LSAMP: variants seen among roughly 807,000 people sequenced by gnomAD.
The protein encoded by LSAMP is limbic system-associated membrane protein.
A neutral mutation model predicts 38.6 loss-of-function variants in LSAMP; 7 were observed. The ratio of observed to expected loss-of-function variants is 0.18; its 90% CI spans 0.10 to 0.34. LSAMP has a LOEUF of 0.34. Among genes scored for constraint, LSAMP ranks in the 10% least tolerant of loss-of-function variants. The pLI is 1.00. For missense variants in LSAMP, 313 were observed against 420.0 expected (o/e 0.75, Z 2.23); for synonymous variants, 154 against 166.8 (o/e 0.92, Z 0.59).
chr3:116,066,060 A>C (rs1445840144), intron 2 of LSAMP, among the ~76,000 whole-genome samples: 1 of 152,200 alleles, frequency 6.6e-6, no homozygotes, highest in Non-Finnish European at 1.5e-5. Flanking sequence ...TACAACAGAA[A>C]CTTATTTCTC....
chr3:116,049,728 T>C (rs1233951944), intron 2 of LSAMP, among the ~76,000 whole-genome samples: 1 of 152,230 alleles, frequency 6.6e-6, no homozygotes, highest in East Asian at 1.9e-4. Context: ...ATATGAATTA[T>C]AAGCCCTCAG....
intron 3 of LSAMP, among the ~76,000 whole-genome samples, chr3:116,014,560 A>G (rs1940423997): frequency 6.6e-6 from 1 of 152,202 alleles, no homozygotes; most frequent in Non-Finnish European, 1.5e-5. Context: ...TTCTCTTTTG[A>G]ATGTTACTGC....
chr3:116,304,973 A>G (rs2047463008), intron 1 of LSAMP, among the ~76,000 whole-genome samples: 1 of 152,118 alleles, frequency 6.6e-6, no homozygotes, highest in African/African-American at 2.4e-5. Flanking sequence ...CCAGAATGAA[A>G]AGGGAGATAA....
chr3:116,030,105 G>A (rs1333715107), intron 2 of LSAMP, among the ~76,000 whole-genome samples: 1 of 152,126 alleles, frequency 6.6e-6, no homozygotes, highest in Non-Finnish European at 1.5e-5. Flanking sequence ...GTGTAGCGTG[G>A]ATATCTGCAA....
intron 1 of LSAMP, among the ~76,000 whole-genome samples, chr3:116,199,533 GA>G (rs1331123104): frequency 6.6e-6 from 1 of 152,196 alleles, no homozygotes; most frequent in Non-Finnish European, 1.5e-5. Flanking sequence ...GCACAGAGTA[GA>G]AGTGTAAGCA....
chr3:116,299,194 G>T (rs2047374287), intron 1 of LSAMP, among the ~76,000 whole-genome samples: 1 of 152,172 alleles, frequency 6.6e-6, no homozygotes, highest in Admixed American at 6.5e-5. Flanking sequence ...GGGAGAAGTA[G>T]AAACGACATG....
intron 2 of LSAMP, among the ~76,000 whole-genome samples, chr3:116,075,085 A>C (rs1255847577): frequency 6.8e-6 from 1 of 148,028 alleles, no homozygotes; most frequent in East Asian, 2.0e-4. Flanking sequence ...TGATCTGCCC[A>C]TCTTGGCCTC....
chr3:116,138,527 A>G (rs1709300886), intron 1 of LSAMP, among the ~76,000 whole-genome samples: 1 of 152,066 alleles, frequency 6.6e-6, no homozygotes, highest in Admixed American at 6.6e-5. Context: ...CAATGCGGAC[A>G]GTGTCTCTTT....
At chr3:116,248,626 A>G (rs889907782) in intron 1 of LSAMP, among the ~76,000 whole-genome samples, 2 of 152,046 alleles carry the variant, frequency 1.3e-5, no homozygotes, top group Admixed American at 1.3e-4. Flanking sequence ...GAAAGGAGGC[A>G]GGCAGTATTC....
intron 1 of LSAMP, among the ~76,000 whole-genome samples, chr3:116,264,710 TC>T (rs1383844697): frequency 6.6e-6 from 1 of 152,134 alleles, no homozygotes; most frequent in Non-Finnish European, 1.5e-5. Context: ...CAAGCAATCC[TC>T]CCACCTTAGC....
intron 6 of LSAMP, among the ~76,000 whole-genome samples, chr3:115,820,101 AT>A (rs34531233): frequency 4.6e-5 from 7 of 151,024 alleles, no homozygotes; most frequent in African/African-American, 9.8e-5. Flanking sequence ...TATAGACAGA[AT>A]TTTTTTTTGC....
chr3:116,194,480 C>T (rs747634158), intron 1 of LSAMP, among the ~76,000 whole-genome samples: 64 of 152,206 alleles, frequency 4.2e-4, no homozygotes, highest in Middle Eastern at 3.4e-3. Flanking sequence ...CCGCAAGCTC[C>T]GCCTCCCGGG....
intron 1 of LSAMP, among the ~76,000 whole-genome samples, chr3:116,219,758 T>C (rs1437299906): frequency 6.6e-6 from 1 of 152,064 alleles, no homozygotes; most frequent in Non-Finnish European, 1.5e-5. Context: ...AAGAAACTAA[T>C]ACAAATAACT....
chr3:116,041,080 C>T (rs114399763), intron 2 of LSAMP, among the ~76,000 whole-genome samples: 3,111 of 152,208 alleles, frequency 0.02, 97 homozygotes, highest in African/African-American at 0.068. Context: ...TGAGCCGCCA[C>T]ACCTGGATAA....
intron 1 of LSAMP, among the ~76,000 whole-genome samples, chr3:116,214,087 A>G (rs1325184406): frequency 1.3e-5 from 2 of 152,232 alleles, no homozygotes; most frequent in Non-Finnish European, 2.9e-5. Context: ...ATTTTTAAAA[A>G]ATTTATGGGA....
intron 3 of LSAMP, among the ~76,000 whole-genome samples, chr3:115,997,875 T>A (rs1939870254): frequency 6.9e-6 from 1 of 145,686 alleles, no homozygotes; most frequent in Non-Finnish European, 1.5e-5. Context: ...GAATATACAA[T>A]ATACATTATT....
At chr3:115,997,777 T>C (rs1043779534) in intron 3 of LSAMP, among the ~76,000 whole-genome samples, 1 of 141,092 alleles carries the variant, frequency 7.1e-6, no homozygotes, top group Non-Finnish European at 1.5e-5. Context: ...TACACACACA[T>C]ATATTTAAAT....
intron 1 of LSAMP, among the ~76,000 whole-genome samples, chr3:116,353,795 G>A (rs1171721197): frequency 1.3e-5 from 2 of 152,018 alleles, no homozygotes; most frequent in Non-Finnish European, 2.9e-5. Context: ...TTACATATAT[G>A]AGCACGTTGA....
intron 1 of LSAMP, among the ~76,000 whole-genome samples, chr3:116,300,045 C>T (rs2047386334): frequency 6.6e-6 from 1 of 152,180 alleles, no homozygotes; most frequent in Admixed American, 6.5e-5. Flanking sequence ...ATTCCTCATT[C>T]CCTCCCTTTC....
Sources: allele counts gnomAD v4.1 joint callset (sites outside exome capture counted in the v4.1 genomes callset), GRCh38; gene constraint gnomAD v4.1.1; transcripts MANE v1.5; gene names NCBI Gene and HGNC (gene_info 2026-07-23, HGNC 2026-07-21).